Variants in ZNF398 observed in about 807,000 individuals in gnomAD.
ZNF398 encodes zinc finger DNA binding protein ZER6.
A neutral mutation model predicts 41.9 loss-of-function variants in ZNF398; 18 were observed. The observed-to-expected ratio is 0.43, with a 90% CI of 0.30 to 0.64. The LOEUF is 0.64. Among genes scored for constraint, ZNF398 ranks in the 30% least tolerant of loss-of-function variants. The probability of loss-of-function intolerance (pLI) is 0.14; values close to 1 mark genes in which losing one functional copy is unlikely to be tolerated. For missense variants in ZNF398, 669 were observed against 822.8 expected (o/e 0.81, Z 2.29); for synonymous variants, 260 against 308.8 (o/e 0.84, Z 1.66).
At chr7:149,155,708 T>TATA (rs1320419899) in intron 2 of ZNF398, among the ~76,000 whole-genome samples, 64 of 11,424 alleles carry the variant, frequency 5.6e-3, no homozygotes, top group African/African-American at 0.01. Context: ...TATATATATA[T>TATA]TTTTTTTTTT....
intron 2 of ZNF398, among the ~76,000 whole-genome samples, chr7:149,129,224 T>C (rs1162345817): frequency 2.6e-5 from 4 of 152,140 alleles, no homozygotes; most frequent in East Asian, 1.9e-4. Flanking sequence ...AGCGGTTATA[T>C]AGGGTTAAAT....
chr7:149,130,797 AGGAGATG>A (rs956260312), intron 2 of ZNF398, among the ~76,000 whole-genome samples: 21 of 152,186 alleles, frequency 1.4e-4, no homozygotes, highest in Non-Finnish European at 2.5e-4. Context: ...GTTACTGCTG[AGGAGATG>A]GGAGATGGGA....
chr7:149,140,872 T>G (rs1158693767), intron 2 of ZNF398, among the ~76,000 whole-genome samples: 2 of 152,002 alleles, frequency 1.3e-5, no homozygotes, highest in Non-Finnish European at 2.9e-5. Context: ...AGACCTTCTC[T>G]CTACCAAAAA....
At chr7:149,135,369 G>A (rs1826686860) in intron 2 of ZNF398, among the ~76,000 whole-genome samples, 2 of 114,204 alleles carry the variant, frequency 1.8e-5, no homozygotes, top group Non-Finnish European at 1.7e-5. Context: ...CAGCCTGGGT[G>A]ACAGAGCAAG....
chr7:149,153,122 G>C (rs1563158348), intron 1 of ZNF398, among the ~76,000 whole-genome samples: 1 of 152,072 alleles, frequency 6.6e-6, no homozygotes. Context: ...GCCTCCCAAA[G>C]TGCTGGGATT....
intron 2 of ZNF398, among the ~76,000 whole-genome samples, chr7:149,130,921 G>A (rs986201835): frequency 6.6e-6 from 1 of 152,200 alleles, no homozygotes; most frequent in Admixed American, 6.5e-5. Flanking sequence ...TTGGTTAGGG[G>A]TAAGGAAGAG....
chr7:149,159,729 A>AAT (rs1554463733), intron 2 of ZNF398, among the ~76,000 whole-genome samples: 17 of 148,606 alleles, frequency 1.1e-4, no homozygotes, highest in African/African-American at 3.7e-4. Context: ...AAAAAAAAAA[A>AAT]TTTTTTTTTT....
At chr7:149,152,417 C>T (rs1419464408) in intron 1 of ZNF398, among the ~76,000 whole-genome samples, 3 of 151,628 alleles carry the variant, frequency 2.0e-5, no homozygotes, top group Non-Finnish European at 4.4e-5. Context: ...CCCGCCACCA[C>T]GCCTGGCTAA....
chr7:149,142,161 T>C (rs1826838748), intron 2 of ZNF398, among the ~76,000 whole-genome samples: 1 of 152,144 alleles, frequency 6.6e-6, no homozygotes, highest in Admixed American at 6.6e-5. Context: ...CTGGTAACCA[T>C]TTTCGGTTGA....
At chr7:149,142,632 A>G (rs1398675642), upstream of ZNF398, among the ~76,000 whole-genome samples, 3 of 152,228 alleles carry the variant, frequency 2.0e-5, no homozygotes, top group Non-Finnish European at 4.4e-5. Flanking sequence ...GCGCCACTGC[A>G]CTCCAGCCTG....
chr7:149,168,904 C>T (rs1048697247), intron 4 of ZNF398, among the ~76,000 whole-genome samples: 8 of 152,068 alleles, frequency 5.3e-5, no homozygotes, highest in Admixed American at 6.6e-5. Flanking sequence ...CAGTGTAACA[C>T]GTTGCATTTT....
Position 149,180,352 on chromosome 7 carries a change from G to A in ZNF398, c.*551G>A, listed in dbSNP as rs990697877. 3.9e-5 allele frequency: 6 copies of A among 152,244 alleles called. No individual in the cohort carries two copies. The highest frequency in any genetic ancestry group is 8.8e-5 in the Non-Finnish European group (6 of 68,054). The allele number at this position is 152,244 out of a possible 1,614,324, so 9.4% of individuals were successfully genotyped here. A position where few individuals can be genotyped will look rare whatever the true frequency, so the allele number is the denominator to read the frequency against. On this transcript the variant is annotated 3_prime_UTR_variant, in exon 6 of 6. Transcript: ENST00000475153. ...GATCTGTTCACACACCTCTGTGGCT[G>A]TCTTTCCCTGAAACATGGTAACTCA...
chr7:149,179,959 T>G lies in ZNF398; in HGVS notation c.*158T>G. On this transcript the variant is annotated 3_prime_UTR_variant, in exon 6 of 6. Coordinates refer to ENST00000475153, the MANE Select transcript of ZNF398 (RefSeq NM_170686.3). The surrounding 1 kb of genome is among the most constrained non-coding windows in gnomAD (Gnocchi z 6.1). ...ACTTGACTAGAGACATGCTTGTGTT[T>G]TGGAATTTCACACCCTTACAAGAAT... 1.5e-6 allele frequency: 1 copy of G among 662,018 alleles called. No individual in the cohort carries two copies. Among genetic ancestry groups the G allele is most frequent in the South Asian group, 2.9e-5 (1 of 34,286 alleles). 41.0% of individuals were successfully genotyped at this position (662,018 alleles called of 1,614,324 possible).
chr7:149,173,570 A>G (rs1487826043), intron 4 of ZNF398, among the ~76,000 whole-genome samples: 3 of 152,142 alleles, frequency 2.0e-5, no homozygotes, highest in African/African-American at 4.8e-5. Flanking sequence ...GGATGAAAAC[A>G]ACACTCATCT....
chr7:149,161,514 A>G (rs1033697600), intron 2 of ZNF398, among the ~76,000 whole-genome samples: 1 of 152,220 alleles, frequency 6.6e-6, no homozygotes, highest in Admixed American at 6.5e-5. Flanking sequence ...ATAGTGAGCA[A>G]TGATCACATC....
chr7:149,170,753 T>A (rs2129521424), intron 4 of ZNF398, among the ~76,000 whole-genome samples: 1 of 151,392 alleles, frequency 6.6e-6, no homozygotes, highest in South Asian at 2.1e-4. Context: ...AAATACAAAA[T>A]GGTACATCTC....
At chr7:149,158,985 G>T (rs1795041675) in intron 2 of ZNF398, among the ~76,000 whole-genome samples, 1 of 151,006 alleles carries the variant, frequency 6.6e-6, no homozygotes. Context: ...TTCCCTTAAA[G>T]ATTTTTTTTT....
In ZNF398 at chr7:149,178,163, G is replaced by T. The variant is rs373936039; in HGVS notation, c.776-485G>T. The stretch of plus-strand genomic sequence containing the variant: ...AAAAATTAGTTGGGCGTAGTGGCGG[G>T]TGCCTGTAGTCCCAGCTACTCGGGA... On this transcript the variant is annotated intron_variant, in intron 5 of 5. Transcript: ENST00000475153. Among the ~76,000 whole-genome samples the T allele has an allele frequency of 3.9e-5, 6 of 152,022 alleles. No homozygotes were observed. In the East Asian group the frequency reaches 1.2e-3, roughly 29 times the overall value.
chr7:149,149,682 A>T (rs548120240), intron 1 of ZNF398, among the ~76,000 whole-genome samples: 1,520 of 150,312 alleles, frequency 0.01, 21 homozygotes, highest in African/African-American at 0.035. Context: ...TACAAAAAAA[A>T]TTTTTTTTTT....
Sources: allele counts gnomAD v4.1 joint callset (sites outside exome capture counted in the v4.1 genomes callset), GRCh38; gene constraint gnomAD v4.1.1; non-coding constraint Gnocchi (gnomAD v3.1); transcripts MANE v1.5; gene names NCBI Gene and HGNC (gene_info 2026-07-23, HGNC 2026-07-21).